TBCB: variants seen among roughly 807,000 people sequenced by gnomAD.
TBCB encodes tubulin folding cofactor B, also known as tubulin-folding cofactor B.
Under a neutral mutation model 29.2 loss-of-function variants are expected in TBCB, and 18 were observed. The observed-to-expected ratio is 0.62, with a 90% CI of 0.43 to 0.91. The LOEUF is 0.91. Among genes scored for constraint, TBCB ranks in the 40% least tolerant of loss-of-function variants. TBCB has a pLI of 0.00. For missense variants in TBCB, 336 were observed against 337.6 expected (o/e 1.00, Z 0.04); for synonymous variants, 172 against 137.8 (o/e 1.25, Z -1.74).
chr19:36,121,522 C>T lies in TBCB; in HGVS notation c.356-5C>T, dbSNP rs1444586667. Reference sequence around the variant, plus strand: ...CCAACTGACCCCAGCCCCCTCTGCCCACAGACACGGTCCGCTCTTTCCTGA... The same window carrying T: ...CCAACTGACCCCAGCCCCCTCTGCCTACAGACACGGTCCGCTCTTTCCTGA... On this transcript the variant is annotated splice_region_variant and splice_polypyrimidine_tract_variant and intron_variant, in intron 3 of 5. Transcript: ENST00000221855. The T allele has an allele frequency of 9.0e-6, 14 of 1,553,230 alleles. No individual in the cohort carries two copies. The highest frequency in any genetic ancestry group is 1.0e-5 in the Non-Finnish European group (12 of 1,151,546).
chr19:36,122,337 T>G (rs375335190), intron 4 of TBCB, among the ~76,000 whole-genome samples: 3 of 151,878 alleles, frequency 2.0e-5, no homozygotes, highest in Admixed American at 2.0e-4. Context: ...CTCAGCACTT[T>G]GGGAGAACAA....
In TBCB at chr19:36,120,965, C is replaced by T. The variant is rs149272294; in HGVS notation, c.355+159C>T. ...ATAGGGGTGAGGCTGGGAGTGGGGA[C>T]AGACGGAGGCCTGGGGTGGGAATGA... On this transcript the variant is annotated intron_variant, in intron 3 of 5. Transcript: ENST00000221855. Among the ~76,000 whole-genome samples, 1,360 of 148,576 alleles carry T rather than the reference C, an allele frequency of 9.2e-3. 27 individuals carry two copies. Among genetic ancestry groups the T allele is most frequent in the African/African-American group, 0.032 (1,302 of 40,070 alleles).
At chr19:36,115,882 CGGTCCAGAGGGCGG>C in intron 1 of TBCB, 145 bp from the exon 2 acceptor site, 11 of 1,200,550 alleles carry the variant, frequency 9.2e-6, no homozygotes, top group Non-Finnish European at 1.3e-5. Context: ...AAAAATCCGA[CGGTCCAGAGGGCGG>C]GGGCAAGAGG....
At chr19:36,119,495 G>A (rs114198513) in intron 2 of TBCB, among the ~76,000 whole-genome samples, 4,788 of 152,164 alleles carry the variant, frequency 0.031, 169 homozygotes, top group African/African-American at 0.09. Flanking sequence ...TGGCCTCCCC[G>A]CTCCCCATCT....
At chr19:36,123,860 G>T (rs141361922) in intron 4 of TBCB, among the ~76,000 whole-genome samples, 275 of 152,268 alleles carry the variant, frequency 1.8e-3, no homozygotes, top group African/African-American at 6.4e-3. Context: ...GGGCAACCAT[G>T]CAAGACTCCA....
chr19:36,125,719 C>T lies in TBCB; in HGVS notation c.672C>T (p.Val224=), dbSNP rs1599867826. 6.3e-7 allele frequency: 1 copy of T among 1,582,392 alleles called. No homozygotes were observed. Among genetic ancestry groups the T allele is most frequent in the Non-Finnish European group, 8.6e-7 (1 of 1,163,458 alleles). The change falls in exon 6 of 6, where the codon GTC becomes GTT. Residue 224 remains valine (V), a synonymous_variant. Coordinates refer to ENST00000221855, the MANE Select transcript of TBCB (RefSeq NM_001281.3). ...GCCAGGCCAAGTATGGCGCCTTTGT[C>T]AAGCCAGCAGTCGTGACGGTGGGGG... ...FECQAKYGAF[V]KPAVVTVGDF...
intron 2 of TBCB, among the ~76,000 whole-genome samples, chr19:36,119,770 A>G (rs1034787616): frequency 6.6e-6 from 1 of 151,740 alleles, no homozygotes; most frequent in African/African-American, 2.4e-5. Flanking sequence ...GTGTGTGCCT[A>G]TAGTTTCAGC....
chr19:36,115,775 C>A lies in TBCB; in HGVS notation c.114+101C>A, dbSNP rs578073589. On this transcript the variant is annotated intron_variant, in intron 1 of 5. Coordinates refer to ENST00000221855, the MANE Select transcript of TBCB (RefSeq NM_001281.3). ...GGGCCGGGGAGTGACTGGGCGGGCC[C>A]GGAGGTGATCCCAGGCTGCGGAGGC... 107 of 1,246,774 alleles carry A rather than the reference C, an allele frequency of 8.6e-5. 1 individual carries two copies. In the African/African-American group the frequency reaches 1.2e-3, roughly 14 times the overall value. The allele number at this position is 1,246,774 out of a possible 1,614,324, so 77.2% of individuals were successfully genotyped here. A position where few individuals can be genotyped will look rare whatever the true frequency, so the allele number is the denominator to read the frequency against.
intron 2 of TBCB, 162 bp downstream of exon 2, chr19:36,116,346 C>A: frequency 1.0e-6 from 1 of 976,738 alleles, no homozygotes; most frequent in Non-Finnish European, 1.5e-6. Context: ...TAGACAGGGA[C>A]AGCCTAGAGT....
At position 36,121,766 on chromosome 19, in the gene TBCB, G is replaced by A. The variant is rs900799747; in HGVS notation, c.547+48G>A. On this transcript the variant is annotated intron_variant, in intron 4 of 5. Coordinates refer to ENST00000221855, the MANE Select transcript of TBCB (RefSeq NM_001281.3). ...CCCGGGCTCCAGGGCTCCAAGGCCG[G>A]GAGGAAATGTTGGGGGCACAGTGGA... 2.6e-6 allele frequency: 4 copies of A among 1,547,512 alleles called. No homozygotes were observed. In the African/African-American group the frequency reaches 5.5e-5, roughly 21 times the overall value.
chr19:36,115,769 C>T (rs973602637), intron 1 of TBCB, 95 bp downstream of exon 1: 9 of 1,259,664 alleles, frequency 7.1e-6, no homozygotes, highest in African/African-American at 6.1e-5. Flanking sequence ...AGTGACTGGG[C>T]GGGCCCGGAG....
At position 36,116,050 on chromosome 19, in the gene TBCB, G is replaced by C; in HGVS notation, c.124G>C (p.Glu42Gln). The change falls in exon 2 of 6, where the codon GAG becomes CAG. Residue 42 changes from glutamate to glutamine, a missense_variant. Coordinates refer to ENST00000221855, the MANE Select transcript of TBCB (RefSeq NM_001281.3). The stretch of plus-strand genomic sequence containing the variant: ...TGCCTCCTCCTCACAGTGTAAACTG[G>C]AGTTGCTGGTGGGCAGCCCTGCTTC... The part of the protein sequence containing the change: ...LTIAEFKCKL[E>Q]LLVGSPASCM... 6.2e-7 allele frequency: 1 copy of C among 1,614,090 alleles called. No individual in the cohort carries two copies.
chr19:36,122,571 CAAAAAAA>C (rs759711385), intron 4 of TBCB, among the ~76,000 whole-genome samples: 12 of 91,578 alleles, frequency 1.3e-4, no homozygotes, highest in Admixed American at 5.0e-4. Context: ...CCTGTCTCTA[CAAAAAAA>C]AAAAAAAAAA....
chr19:36,115,851 A>G, intron 1 of TBCB, 177 bp downstream of exon 1: 1 of 1,058,180 alleles, frequency 9.5e-7, no homozygotes, highest in Non-Finnish European at 1.3e-6. Flanking sequence ...GAGAGTGCAG[A>G]GATGAGGGCC....
intron 2 of TBCB, among the ~76,000 whole-genome samples, chr19:36,119,044 G>A (rs1974002209): frequency 6.6e-6 from 1 of 152,164 alleles, no homozygotes; most frequent in African/African-American, 2.4e-5. Context: ...GGGTGCGGGT[G>A]TTCATAGGCA....
In TBCB at chr19:36,121,550, C is replaced by A; in HGVS notation, c.379C>A (p.Arg127Ser). The change falls in exon 4 of 6, where the codon CGC becomes AGC. Residue 127 changes from arginine (R) to serine (S), a missense_variant. Arg to Ser is a moderately radical substitution (Grantham distance 110). Coordinates refer to ENST00000221855, the MANE Select transcript of TBCB (RefSeq NM_001281.3). ...AGACACGGTCCGCTCTTTCCTGAAG[C>A]GCAGCAAGCTCGGCCGGTACAACGA... is the stretch of plus-strand genomic sequence containing the variant. ...RQDTVRSFLK[R>S]SKLGRYNEEE... 1 of 1,560,724 alleles carries A rather than the reference C, an allele frequency of 6.4e-7. No homozygotes were observed. Among genetic ancestry groups the A allele is most frequent in the African/African-American group, 1.4e-5 (1 of 73,756 alleles).
chr19:36,121,912 A>G, intron 4 of TBCB, 194 bp downstream of exon 4: 1 of 737,238 alleles, frequency 1.4e-6, no homozygotes, highest in Non-Finnish European at 2.2e-6. Context: ...TGTGGAGGGA[A>G]GTGGGAGGCG....
At position 36,119,471 on chromosome 19, in the gene TBCB, G is replaced by A. The variant is rs527992928; in HGVS notation, c.259-1239G>A. Among the ~76,000 whole-genome samples the A allele has an allele frequency of 7.2e-5, 11 of 152,112 alleles. No individual in the cohort carries two copies. In the South Asian group the frequency reaches 1.9e-3, roughly 26 times the overall value. ...ATCCTTCCCCCAACCTCGCCATCCCGGCAGCTTCCTCCCTGGCCTCCCCGC... is the reference window on the plus strand; with the variant it reads ...ATCCTTCCCCCAACCTCGCCATCCCAGCAGCTTCCTCCCTGGCCTCCCCGC... On this transcript the variant is annotated intron_variant, in intron 2 of 5. Coordinates refer to ENST00000221855, the MANE Select transcript of TBCB (RefSeq NM_001281.3).
At position 36,121,622 on chromosome 19, in the gene TBCB, G is replaced by A. The variant is rs1191569450; in HGVS notation, c.451G>A (p.Glu151Lys). ...GGCCGAGGCCGCCCAGCGCCTGGCC[G>A]AGGAGAAGGCCCAGGCCAGCTCCAT... ...QEAEAAQRLA[E>K]EKAQASSIPV... The change falls in exon 4 of 6, where the codon GAG (glutamate) becomes AAG (lysine). Residue 151 changes from glutamate (E) to lysine (K), a missense_variant. Transcript: ENST00000221855. 10 of 1,556,506 alleles carry A rather than the reference G, an allele frequency of 6.4e-6. No homozygotes were observed. The highest frequency in any genetic ancestry group is 3.5e-5 in the South Asian group (3 of 84,536).
Sources: gnomAD v4.1 joint callset for allele counts (sites outside exome capture counted in the v4.1 genomes callset) on GRCh38, gnomAD v4.1.1 for gene constraint, MANE v1.5 for transcripts, NCBI Gene and HGNC (gene_info 2026-07-23, HGNC 2026-07-21) for gene names.